Variants in CDH13 observed in about 807,000 individuals in gnomAD.
The protein encoded by CDH13 is cadherin-13.
Under a neutral mutation model 63.8 loss-of-function variants are expected in CDH13, and 24 were observed. That is an observed-to-expected ratio of 0.38 (90% CI 0.27 to 0.53). The LOEUF (loss-of-function observed/expected upper bound fraction) is 0.53. Among genes scored for constraint, CDH13 ranks in the 20% least tolerant of loss-of-function variants. The probability of loss-of-function intolerance (pLI) is 0.85; values close to 1 mark genes in which losing one functional copy is unlikely to be tolerated. For synonymous variants in CDH13, 503 were observed against 355.3 expected (o/e 1.42, Z -4.67); for missense variants, 1,049 against 903.1 (o/e 1.16, Z -2.07).
intron 1 of CDH13, among the ~76,000 whole-genome samples, chr16:82,766,209 C>G (rs1426193678): frequency 6.6e-6 from 1 of 152,158 alleles, no homozygotes; most frequent in Non-Finnish European, 1.5e-5. Context: ...CGTGAGATGT[C>G]TAGCGTAACT....
At chr16:83,563,652 G>C (rs2075744674) in intron 7 of CDH13, among the ~76,000 whole-genome samples, 1 of 152,146 alleles carries the variant, frequency 6.6e-6, no homozygotes, top group Non-Finnish European at 1.5e-5. Flanking sequence ...GAAACGACCA[G>C]TTTTAGGAGG....
intron 2 of CDH13, among the ~76,000 whole-genome samples, chr16:82,876,030 C>T (rs752601235): frequency 2.0e-4 from 30 of 152,198 alleles, no homozygotes; most frequent in African/African-American, 6.8e-4. Context: ...AGGGGAACTC[C>T]TCTTTTTAAA....
chr16:83,002,641 G>T (rs1039912493), intron 2 of CDH13, among the ~76,000 whole-genome samples: 2 of 152,232 alleles, frequency 1.3e-5, no homozygotes, highest in Non-Finnish European at 2.9e-5. Flanking sequence ...TGTGATCAAT[G>T]TAACACAGTA....
At position 83,260,097 on chromosome 16, in the gene CDH13, TACACACACACACAC is replaced by T. The variant is rs61647390; in HGVS notation, c.636+42633_636+42646del. 6.3e-3 allele frequency among the ~76,000 whole-genome samples: 791 copies of T among 126,518 alleles called. 11 individuals carry two copies. Among genetic ancestry groups the T allele is most frequent in the African/African-American group, 0.02 (684 of 34,112 alleles). 83.0% of individuals were successfully genotyped at this position (126,518 alleles called of 152,430 possible). A position where few individuals can be genotyped will look rare whatever the true frequency, so the allele number is the denominator to read the frequency against. ...TTTTTTTGTAACCATGTACCCCCAA[TACACACACACACAC>T]ACACACACACACACACACACACACA... On this transcript the variant is annotated intron_variant, in intron 5 of 13. Transcript: ENST00000567109.
At chr16:83,481,178 A>G (rs2073751892) in intron 6 of CDH13, among the ~76,000 whole-genome samples, 1 of 152,200 alleles carries the variant, frequency 6.6e-6, no homozygotes, top group Non-Finnish European at 1.5e-5. Context: ...TCTCCCTGGA[A>G]AGCACACTGT....
intron 6 of CDH13, among the ~76,000 whole-genome samples, chr16:83,430,404 C>T (rs77695716): frequency 6.6e-6 from 1 of 152,128 alleles, no homozygotes; most frequent in Non-Finnish European, 1.5e-5. Context: ...AATGAAAAAC[C>T]TGATTTCTTG....
At chr16:82,956,167 C>A (rs1355548812) in intron 2 of CDH13, among the ~76,000 whole-genome samples, 1 of 151,948 alleles carries the variant, frequency 6.6e-6, no homozygotes, top group African/African-American at 2.4e-5. Flanking sequence ...TTGCCAAAAC[C>A]ACAAACATGG....
At chr16:82,658,851 G>T (rs541300956) in intron 1 of CDH13, among the ~76,000 whole-genome samples, 2 of 152,254 alleles carry the variant, frequency 1.3e-5, no homozygotes, top group South Asian at 2.1e-4. Context: ...CCTGTTTGTG[G>T]GTATGTATGG....
Position 83,094,198 on chromosome 16 carries a change from A to G in CDH13, c.367-31187A>G, listed in dbSNP as rs534900057. 1.1e-3 allele frequency among the ~76,000 whole-genome samples: 161 copies of G among 152,338 alleles called. 2 individuals carry two copies. Among genetic ancestry groups the G allele is most frequent in the African/African-American group, 3.5e-3 (144 of 41,578 alleles). ...ATGGAGAAGCTCCCAGGCAAGGCCA[A>G]CAACGCCTGGTCTGTGCTGCACGTG... is the stretch of plus-strand genomic sequence containing the variant. On this transcript the variant is annotated intron_variant, in intron 3 of 13. Coordinates refer to ENST00000567109, the MANE Select transcript of CDH13 (RefSeq NM_001257.5).
At chr16:82,676,944 C>T (rs1031394896) in intron 1 of CDH13, among the ~76,000 whole-genome samples, 8 of 152,008 alleles carry the variant, frequency 5.3e-5, no homozygotes, top group East Asian at 1.9e-4. Context: ...AGTGCAGTGG[C>T]GCAAGCTCAG....
intron 12 of CDH13, among the ~76,000 whole-genome samples, chr16:83,782,151 A>T (rs1361508803): frequency 6.6e-6 from 1 of 152,098 alleles, no homozygotes; most frequent in East Asian, 1.9e-4. Flanking sequence ...TGCCTTCTAA[A>T]TGATTTTGTT....
At position 82,700,170 on chromosome 16, in the gene CDH13, T is replaced by C. The variant is rs530464717; in HGVS notation, c.45+73033T>C. ...GGGGATCATTTAGGTTAAAGAAATT[T>C]AAATGAATTTTTCCTGCGGGACTTC... On this transcript the variant is annotated intron_variant, in intron 1 of 13. Coordinates refer to ENST00000567109, the MANE Select transcript of CDH13 (RefSeq NM_001257.5). Among the ~76,000 whole-genome samples, 80 of 152,334 alleles carry C rather than the reference T, an allele frequency of 5.3e-4. 1 individual carries two copies. Among genetic ancestry groups the C allele is most frequent in the Middle Eastern group, 6.8e-3 (2 of 294 alleles).
chr16:82,787,325 CAAAAT>C (rs1567533572), intron 1 of CDH13, among the ~76,000 whole-genome samples: 1 of 152,156 alleles, frequency 6.6e-6, no homozygotes, highest in Non-Finnish European at 1.5e-5. Context: ...CTTTCCCTAA[CAAAAT>C]AAACAGTATC....
chr16:83,250,568 C>G (rs1905402548), intron 5 of CDH13, among the ~76,000 whole-genome samples: 2 of 152,132 alleles, frequency 1.3e-5, no homozygotes, highest in South Asian at 2.1e-4. Flanking sequence ...GAGGTATGCA[C>G]TGAGACGCAC....
At chr16:83,762,425 G>C (rs939611018) in intron 11 of CDH13, among the ~76,000 whole-genome samples, 1 of 152,134 alleles carries the variant, frequency 6.6e-6, no homozygotes, top group Non-Finnish European at 1.5e-5. Flanking sequence ...AAGCGGTAGA[G>C]AGAACATTCG....
At chr16:83,204,106 A>G (rs143636912) in intron 4 of CDH13, among the ~76,000 whole-genome samples, 3 of 152,348 alleles carry the variant, frequency 2.0e-5, no homozygotes, top group South Asian at 2.1e-4. Context: ...ATGAATGGCC[A>G]TGTCACACGG....
In CDH13 at chr16:83,707,235, C is replaced by T. The variant is rs1907212692; in HGVS notation, c.1538+28774C>T. On this transcript the variant is annotated intron_variant, in intron 10 of 13. Coordinates refer to ENST00000567109, the MANE Select transcript of CDH13 (RefSeq NM_001257.5). ...CTCCACCCATCACAATCCTGTTGGTCTTTCTAGGTCAGTTTCAAATACTGC... is the reference window on the plus strand; with the variant it reads ...CTCCACCCATCACAATCCTGTTGGTTTTTCTAGGTCAGTTTCAAATACTGC... Among the ~76,000 whole-genome samples, 3 of 152,306 alleles carry T rather than the reference C, an allele frequency of 2.0e-5. 1 individual carries two copies. The South Asian group carries it at 6.2e-4, about 32-fold the overall frequency.
intron 2 of CDH13, among the ~76,000 whole-genome samples, chr16:82,960,149 C>G (rs1252740361): frequency 6.6e-6 from 1 of 151,982 alleles, no homozygotes; most frequent in African/African-American, 2.4e-5. Context: ...CAGAAGGGAG[C>G]CTCTGCAGTG....
At chr16:83,380,476 C>T (rs1401450392) in intron 6 of CDH13, among the ~76,000 whole-genome samples, 1 of 152,132 alleles carries the variant, frequency 6.6e-6, no homozygotes, top group Non-Finnish European at 1.5e-5. Context: ...TTTCTATCTA[C>T]CTACCTAATT....
Sources: allele counts gnomAD v4.1 joint callset (sites outside exome capture counted in the v4.1 genomes callset), GRCh38; gene constraint gnomAD v4.1.1; transcripts MANE v1.5; gene names NCBI Gene and HGNC (gene_info 2026-07-23, HGNC 2026-07-21).